The following ASAP1 variants were observed in gnomAD, a reference collection of about 807,000 sequenced individuals.
The protein encoded by ASAP1 is ArfGAP with SH3 domain, ankyrin repeat and PH domain 1.
In ASAP1, 43 loss-of-function variants were observed where a neutral mutation model predicts 145.2. The observed-to-expected ratio is 0.30, with a 90% CI of 0.23 to 0.38. ASAP1 has a LOEUF of 0.38. ASAP1 is among the 10% of genes least tolerant of loss of function. The pLI is 1.00. For synonymous variants in ASAP1, 546 were observed against 515.5 expected (o/e 1.06, Z -0.80); for missense variants, 1,018 against 1,355.3 (o/e 0.75, Z 3.91).
chr8:130,262,343 C>T (rs1458987392), intron 3 of ASAP1, among the ~76,000 whole-genome samples: 8 of 129,594 alleles, frequency 6.2e-5, no homozygotes, highest in Middle Eastern at 0.011. Context: ...TGCAGTGAGC[C>T]GAGATTGTGC....
intron 2 of ASAP1, among the ~76,000 whole-genome samples, chr8:130,363,368 T>A (rs932546904): frequency 1.3e-5 from 2 of 149,616 alleles, no homozygotes; most frequent in Non-Finnish European, 3.0e-5. Flanking sequence ...TCATTTTTTT[T>A]AATAAAAAAT....
chr8:130,131,961 C>G (rs909365379), intron 15 of ASAP1, among the ~76,000 whole-genome samples: 1 of 152,216 alleles, frequency 6.6e-6, no homozygotes, highest in Non-Finnish European at 1.5e-5. Context: ...TATTGAAGAT[C>G]TGAGTTTGAG....
intron 7 of ASAP1, among the ~76,000 whole-genome samples, chr8:130,182,849 A>C (rs1252664824): frequency 6.7e-6 from 1 of 148,506 alleles, no homozygotes; most frequent in African/African-American, 2.5e-5. Context: ...AAAAAAAAAA[A>C]ACCCAACTGA....
chr8:130,328,333 A>G (rs1824467823), intron 3 of ASAP1, among the ~76,000 whole-genome samples: 1 of 152,262 alleles, frequency 6.6e-6, no homozygotes, highest in Admixed American at 6.5e-5. Flanking sequence ...TACAGTAGTC[A>G]ATAGTCTTAA....
chr8:130,107,596 G>A (rs1042096814), intron 24 of ASAP1, among the ~76,000 whole-genome samples: 5 of 150,992 alleles, frequency 3.3e-5, no homozygotes, highest in Admixed American at 2.6e-4. Flanking sequence ...CGCCCGGGCT[G>A]AAGTGCAGTG....
intron 5 of ASAP1, among the ~76,000 whole-genome samples, chr8:130,209,120 A>T (rs1157125163): frequency 6.6e-6 from 1 of 152,212 alleles, no homozygotes; most frequent in Non-Finnish European, 1.5e-5. Context: ...GCCTATTAAT[A>T]CTATAATAAT....
intron 16 of ASAP1, among the ~76,000 whole-genome samples, chr8:130,127,106 T>G (rs1318989751): frequency 6.6e-6 from 1 of 152,110 alleles, no homozygotes; most frequent in Non-Finnish European, 1.5e-5. Flanking sequence ...TATTTGAAAA[T>G]AAAAGTTTGG....
Position 130,214,543 on chromosome 8 carries a change from T to C in ASAP1, c.405+13A>G, listed in dbSNP as rs779745394. 1.3e-6 allele frequency: 2 copies of C among 1,585,728 alleles called. No homozygotes were observed. Among genetic ancestry groups the C allele is most frequent in the South Asian group, 2.3e-5 (2 of 86,020 alleles). On this transcript the variant is annotated intron_variant, in intron 5 of 29. Transcript: ENST00000518721. The stretch of plus-strand genomic sequence containing the variant: ...GGCTGTAATTCTTTTTACTCACATA[T>C]GAAATGTCTTACCAGATTTTTCAGC...
chr8:130,276,687 A>AACACACACACAC (rs1161892776), intron 3 of ASAP1, among the ~76,000 whole-genome samples: 59 of 91,684 alleles, frequency 6.4e-4, no homozygotes, highest in African/African-American at 1.6e-3. Flanking sequence ...CAAGACTGCA[A>AACACACACACAC]ACACACACAC....
At chr8:130,348,905 A>G (rs1195820301) in intron 3 of ASAP1, among the ~76,000 whole-genome samples, 2 of 152,236 alleles carry the variant, frequency 1.3e-5, no homozygotes, top group Non-Finnish European at 2.9e-5. Flanking sequence ...TGTAACAGAG[A>G]AAACAGCTCA....
intron 2 of ASAP1, among the ~76,000 whole-genome samples, chr8:130,400,598 T>C (rs993413032): frequency 1.4e-4 from 21 of 150,654 alleles, no homozygotes; most frequent in Non-Finnish European, 1.9e-4. Context: ...CCATCCTGGC[T>C]AACACGGTGA....
At chr8:130,130,539 T>C (rs1179431750) in intron 15 of ASAP1, among the ~76,000 whole-genome samples, 3 of 152,332 alleles carry the variant, frequency 2.0e-5, no homozygotes, top group Admixed American at 6.5e-5. Context: ...CATTAACTTT[T>C]AAATTATTTT....
Position 130,313,302 on chromosome 8 carries a change from C to T in ASAP1, c.186+44715G>A, listed in dbSNP as rs116812706. Among the ~76,000 whole-genome samples the T allele has an allele frequency of 3.7e-3, 553 of 150,888 alleles. 5 individuals are homozygous for T. The highest frequency in any genetic ancestry group is 0.017 in the Middle Eastern group (5 of 294). Reference sequence around the variant, plus strand: ...CTTCAACAAAATAAAATAACATAACCGTTTAAAAAAAAAAAAAACTTTTAA... The same window carrying T: ...CTTCAACAAAATAAAATAACATAACTGTTTAAAAAAAAAAAAAACTTTTAA... On this transcript the variant is annotated intron_variant, in intron 3 of 29. Transcript: ENST00000518721.
rs148046010 is a variant in ASAP1, at chr8:130,203,058, A to G, written c.405+11498T>C. ...ACATACTGAAATATAAATTAGAAAT[A>G]AATTGTTGGAGGGCAGAAGTGAATT... is the stretch of plus-strand genomic sequence containing the variant. On this transcript the variant is annotated intron_variant, in intron 5 of 29. Coordinates refer to ENST00000518721, the MANE Select transcript of ASAP1 (RefSeq NM_018482.4). 5.4e-3 allele frequency among the ~76,000 whole-genome samples: 827 copies of G among 152,310 alleles called. 3 individuals are homozygous for G. The highest frequency in any genetic ancestry group is 8.3e-3 in the Non-Finnish European group (564 of 68,016).
At chr8:130,293,746 T>A (rs770953427) in intron 3 of ASAP1, among the ~76,000 whole-genome samples, 20 of 152,208 alleles carry the variant, frequency 1.3e-4, no homozygotes, top group Non-Finnish European at 2.4e-4. Flanking sequence ...AGGCTACAAA[T>A]GTTTCTTGTG....
intron 4 of ASAP1, among the ~76,000 whole-genome samples, chr8:130,220,936 T>C (rs1217341046): frequency 6.6e-6 from 1 of 152,134 alleles, no homozygotes; most frequent in South Asian, 2.1e-4. Context: ...GAGAACAGCA[T>C]GGGGGAACCA....
At chr8:130,256,323 T>C (rs1191833685) in intron 3 of ASAP1, among the ~76,000 whole-genome samples, 1 of 146,480 alleles carries the variant, frequency 6.8e-6, no homozygotes, top group East Asian at 2.0e-4. Flanking sequence ...ATGGTCAGTC[T>C]CCCTTGTCCC....
intron 27 of ASAP1, among the ~76,000 whole-genome samples, chr8:130,064,919 G>GTT (rs1466151212): frequency 1.4e-5 from 2 of 145,070 alleles, no homozygotes; most frequent in Admixed American, 1.4e-4. Context: ...GTGTGTGTGT[G>GTT]TGTGTGTGTG....
chr8:130,314,996 T>C (rs997051144), intron 3 of ASAP1, among the ~76,000 whole-genome samples: 1 of 152,220 alleles, frequency 6.6e-6, no homozygotes, highest in Non-Finnish European at 1.5e-5. Context: ...TACCGATTTG[T>C]AAATAAGTAA....
Sources: allele counts gnomAD v4.1 joint callset (sites outside exome capture counted in the v4.1 genomes callset), GRCh38; gene constraint gnomAD v4.1.1; transcripts MANE v1.5; gene names NCBI Gene and HGNC (gene_info 2026-07-23, HGNC 2026-07-21).